NEO1: variants seen among roughly 807,000 people sequenced by gnomAD.
NEO1 encodes neogenin.
Under a neutral mutation model 159.7 loss-of-function variants are expected in NEO1, and 63 were observed. That is an observed-to-expected ratio of 0.39 (90% CI 0.32 to 0.49). The LOEUF (loss-of-function observed/expected upper bound fraction) is 0.49. NEO1 is among the 20% of genes least tolerant of loss of function. NEO1 has a pLI of 0.85. For synonymous variants in NEO1, 633 were observed against 662.0 expected (o/e 0.96, Z 0.67); for missense variants, 1,615 against 1,831.0 (o/e 0.88, Z 2.15).
intron 5 of NEO1, among the ~76,000 whole-genome samples, chr15:73,169,068 C>T (rs771042697): frequency 6.6e-6 from 1 of 152,004 alleles, no homozygotes; most frequent in Admixed American, 6.6e-5. Flanking sequence ...TAAATGAAAA[C>T]GGTTATCTTC....
Position 73,272,501 on chromosome 15 carries a change from GA to G in NEO1, c.2907del (p.Lys969AsnfsTer5), listed in dbSNP as rs1261693737. On this transcript the variant is annotated frameshift_variant, in exon 19 of 29. Coordinates refer to ENST00000261908, the MANE Select transcript of NEO1 (RefSeq NM_002499.4). LOFTEE classifies it high-confidence loss of function. Reference protein sequence around the residue: ...KDVTVVSKEGKPKTIIVNWQP... With the variant: ...KDVTVVSKEGXPKTIIVNWQP... Reference sequence around the variant, plus strand: ...ATGTGACTGTTGTGAGTAAAGAGGGGAAACCTAAGACCATAATTGTGAATTG... The same window carrying G: ...ATGTGACTGTTGTGAGTAAAGAGGGGAACCTAAGACCATAATTGTGAATTG... 1 of 1,614,062 alleles carries G rather than the reference GA, an allele frequency of 6.2e-7. No homozygotes were observed. The highest frequency in any genetic ancestry group is 8.5e-7 in the Non-Finnish European group (1 of 1,179,948).
chr15:73,226,290 T>TC (rs1275194286), intron 7 of NEO1, among the ~76,000 whole-genome samples: 19 of 152,186 alleles, frequency 1.2e-4, no homozygotes, highest in Non-Finnish European at 1.8e-4. Flanking sequence ...GCTCTGTCCG[T>TC]CCAAGTCGGA....
chr15:73,066,524 T>C (rs1483449790), intron 1 of NEO1, among the ~76,000 whole-genome samples: 1 of 152,208 alleles, frequency 6.6e-6, no homozygotes, highest in Non-Finnish European at 1.5e-5. Flanking sequence ...TGAAAAATTA[T>C]CGAGATAATC....
intron 14 of NEO1, among the ~76,000 whole-genome samples, chr15:73,259,690 T>A (rs1313995817): frequency 1.3e-5 from 2 of 152,202 alleles, no homozygotes; most frequent in African/African-American, 4.8e-5. Context: ...TAGTAACTTA[T>A]GCCCTGAAAA....
chr15:73,086,371 AT>A (rs1213870721), intron 1 of NEO1, among the ~76,000 whole-genome samples: 1 of 151,964 alleles, frequency 6.6e-6, no homozygotes, highest in Admixed American at 6.6e-5. Context: ...GAATCCTTCA[AT>A]TTTGTTTTTC....
intron 5 of NEO1, among the ~76,000 whole-genome samples, chr15:73,140,289 C>T (rs2032255371): frequency 6.6e-6 from 1 of 152,164 alleles, no homozygotes. Flanking sequence ...GGCGCAGTGA[C>T]TCATGCCTGT....
At chr15:73,263,117 A>G (rs1473748831) in intron 15 of NEO1, among the ~76,000 whole-genome samples, 2 of 151,534 alleles carry the variant, frequency 1.3e-5, no homozygotes, top group East Asian at 3.9e-4. Context: ...CAAGGTATAT[A>G]TATTTGTCAA....
intron 4 of NEO1, among the ~76,000 whole-genome samples, chr15:73,133,880 T>C (rs1369232008): frequency 6.6e-6 from 1 of 152,200 alleles, no homozygotes; most frequent in East Asian, 1.9e-4. Context: ...GACTGACTGC[T>C]ATGCTACTGG....
At chr15:73,075,151 GAAGT>G (rs1330698914) in intron 1 of NEO1, among the ~76,000 whole-genome samples, 1 of 152,120 alleles carries the variant, frequency 6.6e-6, no homozygotes, top group Non-Finnish European at 1.5e-5. Flanking sequence ...ACCATACAAA[GAAGT>G]AAGTGAATAT....
intron 7 of NEO1, among the ~76,000 whole-genome samples, chr15:73,225,257 T>C (rs1439674650): frequency 6.6e-6 from 1 of 152,174 alleles, no homozygotes; most frequent in African/African-American, 2.4e-5. Context: ...GGTGGTTTAA[T>C]GCTCTATTTT....
intron 5 of NEO1, among the ~76,000 whole-genome samples, chr15:73,146,778 A>G (rs1162626589): frequency 6.6e-6 from 1 of 152,236 alleles, no homozygotes; most frequent in Non-Finnish European, 1.5e-5. Context: ...TGGAGTACAG[A>G]TGCATGATAT....
chr15:73,247,378 C>T (rs886466172), intron 9 of NEO1, among the ~76,000 whole-genome samples: 7 of 152,188 alleles, frequency 4.6e-5, no homozygotes, highest in African/African-American at 1.7e-4. Flanking sequence ...TTTGCCTACA[C>T]TTGGCCAATG....
intron 7 of NEO1, among the ~76,000 whole-genome samples, chr15:73,231,884 T>G (rs866221548): frequency 1.3e-5 from 2 of 152,134 alleles, no homozygotes; most frequent in African/African-American, 4.8e-5. Flanking sequence ...CACCCATGAA[T>G]CAGTAATAAG....
At chr15:73,176,621 C>T in intron 6 of NEO1, 64 bp downstream of exon 6, 1 of 1,297,202 alleles carries the variant, frequency 7.7e-7, no homozygotes, top group Non-Finnish European at 1.1e-6. Context: ...AATGTAGTCA[C>T]CGAGAGATCA....
intron 5 of NEO1, among the ~76,000 whole-genome samples, chr15:73,154,257 A>T (rs140931084): frequency 6.6e-6 from 1 of 152,174 alleles, no homozygotes; most frequent in Non-Finnish European, 1.5e-5. Flanking sequence ...TATCGGGTAC[A>T]TGAGATATTT....
intron 2 of NEO1, among the ~76,000 whole-genome samples, chr15:73,117,597 G>A (rs1383057617): frequency 6.6e-6 from 1 of 152,162 alleles, no homozygotes; most frequent in Admixed American, 6.5e-5. Context: ...AAACGCCCAC[G>A]TGTGAGACAG....
chr15:73,111,514 G>A (rs1050641230), intron 1 of NEO1, among the ~76,000 whole-genome samples: 4 of 152,078 alleles, frequency 2.6e-5, no homozygotes, highest in African/African-American at 7.2e-5. Context: ...TTATTTTGGC[G>A]ACCATTTAAA....
At chr15:73,080,782 A>G (rs1236425038) in intron 1 of NEO1, among the ~76,000 whole-genome samples, 1 of 152,138 alleles carries the variant, frequency 6.6e-6, no homozygotes, top group Non-Finnish European at 1.5e-5. Context: ...TGGGCCAGAA[A>G]GAGGCGGGAG....
intron 1 of NEO1, among the ~76,000 whole-genome samples, chr15:73,102,143 G>A (rs530929343): frequency 1.4e-3 from 207 of 152,134 alleles, no homozygotes; most frequent in African/African-American, 3.5e-3. Flanking sequence ...CGAGGCGGGC[G>A]GATCATGAGG....
Sources: gnomAD v4.1 joint callset for allele counts (sites outside exome capture counted in the v4.1 genomes callset) on GRCh38, gnomAD v4.1.1 for gene constraint, MANE v1.5 for transcripts, NCBI Gene and HGNC (gene_info 2026-07-23, HGNC 2026-07-21) for gene names.